Variants in SBSPON observed in about 807,000 individuals in gnomAD.
SBSPON encodes the protein somatomedin B and thrombospondin type 1 domain containing, also known as somatomedin-B and thrombospondin type-1 domain-containing protein.
Under a neutral mutation model 35.8 loss-of-function variants are expected in SBSPON, and 30 were observed. That is an observed-to-expected ratio of 0.84 (90% CI 0.63 to 1.14). The LOEUF (loss-of-function observed/expected upper bound fraction) is 1.14, where lower values mean the gene tolerates loss of function less well. Ranked by LOEUF, SBSPON falls within the 50% of genes most tolerant of loss-of-function variation. The probability of loss-of-function intolerance (pLI) is 0.00; values close to 1 mark genes in which losing one functional copy is unlikely to be tolerated. For missense variants in SBSPON, 364 were observed against 357.7 expected (o/e 1.02, Z -0.14); for synonymous variants, 136 against 135.9 (o/e 1.00, Z 0.00).
chr8:73,087,092 A>G (rs1462783892), intron 1 of SBSPON, among the ~76,000 whole-genome samples: 1 of 152,200 alleles, frequency 6.6e-6, no homozygotes, highest in Non-Finnish European at 1.5e-5. Context: ...CCCTGAGTAG[A>G]TGGAGGGAGA....
intron 1 of SBSPON, among the ~76,000 whole-genome samples, chr8:73,084,706 T>A (rs538784605): frequency 2.7e-4 from 41 of 151,264 alleles, no homozygotes; most frequent in African/African-American, 9.7e-4. Context: ...GGGAGTCTTT[T>A]TCTGGCCAGC....
chr8:73,072,749 TC>T (rs1264039418), intron 2 of SBSPON, among the ~76,000 whole-genome samples: 1 of 152,132 alleles, frequency 6.6e-6, no homozygotes, highest in Non-Finnish European at 1.5e-5. Flanking sequence ...CAGGAAAAGT[TC>T]ATGGAAGCTC....
chr8:73,071,923 C>T (rs896749573), intron 2 of SBSPON, 53 bp from the exon 3 acceptor site: 14 of 1,212,660 alleles, frequency 1.2e-5, no homozygotes, highest in African/African-American at 7.5e-5. Flanking sequence ...CTCAGACCAT[C>T]GTTTCCCAAT....
intron 3 of SBSPON, 58 bp from the exon 4 acceptor site, chr8:73,070,039 A>T (rs1810463923): frequency 9.1e-7 from 1 of 1,099,418 alleles, no homozygotes; most frequent in Admixed American, 2.5e-5. Context: ...CTAAAGCTGT[A>T]GAAAGTCTTA....
At chr8:73,072,754 G>A (rs866783796) in intron 2 of SBSPON, among the ~76,000 whole-genome samples, 25 of 152,088 alleles carry the variant, frequency 1.6e-4, no homozygotes, top group African/African-American at 6.0e-4. Context: ...AAAGTTCATG[G>A]AAGCTCTGCC....
intron 3 of SBSPON, among the ~76,000 whole-genome samples, 191 bp downstream of exon 3, chr8:73,071,589 T>C (rs1450877217): frequency 6.6e-6 from 1 of 152,180 alleles, no homozygotes; most frequent in Non-Finnish European, 1.5e-5. Flanking sequence ...GAGGTAGATA[T>C]ATCTTTATAG....
rs2129977044 is a variant in SBSPON, at chr8:73,065,910, CAT to C, written c.*1429_*1430del. 6.6e-6 allele frequency: 1 copy of C among 152,168 alleles called. No homozygotes were observed. The highest frequency in any genetic ancestry group is 2.1e-4 in the South Asian group (1 of 4,822). 9.4% of individuals were successfully genotyped at this position (152,168 alleles called of 1,614,324 possible). On this transcript the variant is annotated 3_prime_UTR_variant, in exon 5 of 5. Transcript: ENST00000297354. ...AAGTTGCTAGCCTTGATGAGACTCA[CAT>C]ATTTTATTATTAATTTCTGAAGAAT...
intron 2 of SBSPON, chr8:73,075,724 G>A (rs1319829099): frequency 2.3e-6 from 2 of 851,280 alleles, no homozygotes; most frequent in African/African-American, 3.7e-5. Context: ...TGTCACAAAA[G>A]CAGGCCTGGG....
At chr8:73,073,661 G>T (rs977369237) in intron 2 of SBSPON, among the ~76,000 whole-genome samples, 1 of 151,992 alleles carries the variant, frequency 6.6e-6, no homozygotes, top group African/African-American at 2.4e-5. Flanking sequence ...TTACAAAAAT[G>T]AGCCAGATTT....
intron 1 of SBSPON, among the ~76,000 whole-genome samples, chr8:73,082,891 G>A (rs1354267013): frequency 6.6e-6 from 1 of 152,178 alleles, no homozygotes; most frequent in African/African-American, 2.4e-5. Context: ...GTTGTGAGGT[G>A]TTGGGCTTGA....
chr8:73,086,710 T>C (rs1430518887), intron 1 of SBSPON, among the ~76,000 whole-genome samples: 1 of 152,140 alleles, frequency 6.6e-6, no homozygotes, highest in Non-Finnish European at 1.5e-5. Context: ...ACATGGGCTG[T>C]GTCATTTGAT....
At chr8:73,069,718 C>T in intron 4 of SBSPON, 87 bp downstream of exon 4, 1 of 1,097,294 alleles carries the variant, frequency 9.1e-7, no homozygotes, top group Non-Finnish European at 1.4e-6. Context: ...TGATATGTTA[C>T]ATACTGGTCA....
At position 73,081,227 on chromosome 8, in the gene SBSPON, C is replaced by T. The variant is rs368928458; in HGVS notation, c.215-14G>A. On this transcript the variant is annotated splice_polypyrimidine_tract_variant and intron_variant, in intron 1 of 4. Transcript: ENST00000297354. ...AGCACGGGCGAGCTGAAAAACAGCACAATAGGACGCTCACCTGAGTAAATC... is the reference window on the plus strand; with the variant it reads ...AGCACGGGCGAGCTGAAAAACAGCATAATAGGACGCTCACCTGAGTAAATC... 51 of 1,554,112 alleles carry T rather than the reference C, an allele frequency of 3.3e-5. No homozygotes were observed. Among genetic ancestry groups the T allele is most frequent in the Non-Finnish European group, 4.3e-5 (49 of 1,146,564 alleles).
chr8:73,068,020 G>C (rs900070090), intron 4 of SBSPON, among the ~76,000 whole-genome samples: 2 of 152,084 alleles, frequency 1.3e-5, no homozygotes, highest in Non-Finnish European at 2.9e-5. Flanking sequence ...GAAAATGGCT[G>C]ACTGTTCTAT....
chr8:73,084,127 G>A (rs1279662657), intron 1 of SBSPON, among the ~76,000 whole-genome samples: 1 of 152,242 alleles, frequency 6.6e-6, no homozygotes, highest in East Asian at 1.9e-4. Flanking sequence ...CTGGCTTTCA[G>A]CTCATTGGAG....
At chr8:73,070,648 C>CT (rs1190706480) in intron 3 of SBSPON, among the ~76,000 whole-genome samples, 5 of 152,192 alleles carry the variant, frequency 3.3e-5, no homozygotes, top group Non-Finnish European at 7.3e-5. Flanking sequence ...GCGGAAAACT[C>CT]TAACATTATA....
chr8:73,076,203 T>C (rs1408185193), intron 2 of SBSPON, among the ~76,000 whole-genome samples: 1 of 152,134 alleles, frequency 6.6e-6, no homozygotes, highest in Non-Finnish European at 1.5e-5. Flanking sequence ...AACTCCAGTG[T>C]CCTCAGGTGT....
At chr8:73,075,864 G>A (rs1272727841) in intron 2 of SBSPON, 1 of 328,268 alleles carries the variant, frequency 3.0e-6, no homozygotes, top group African/African-American at 2.3e-5. Context: ...ATAAACAATT[G>A]TCAATGATGT....
chr8:73,070,053 A>G, intron 3 of SBSPON, 72 bp from the exon 4 acceptor site: 1 of 985,440 alleles, frequency 1.0e-6, no homozygotes, highest in Non-Finnish European at 1.5e-6. Context: ...AGTCTTAGAA[A>G]GCCTGTCACC....
Sources: allele counts gnomAD v4.1 joint callset (sites outside exome capture counted in the v4.1 genomes callset), GRCh38; gene constraint gnomAD v4.1.1; transcripts MANE v1.5; gene names NCBI Gene and HGNC (gene_info 2026-07-23, HGNC 2026-07-21).